The following GPA33 variants were observed in gnomAD, a reference collection of about 807,000 sequenced individuals.
GPA33 encodes the protein glycoprotein A33.
A neutral mutation model predicts 35.6 loss-of-function variants in GPA33; 27 were observed. The observed-to-expected ratio is 0.76, with a 90% CI of 0.56 to 1.04. The LOEUF (loss-of-function observed/expected upper bound fraction) is 1.04, where lower values mean the gene tolerates loss of function less well. Ranked by LOEUF, GPA33 falls within the 50% of genes least tolerant of loss-of-function variation. The pLI, the probability that GPA33 is intolerant of heterozygous loss-of-function variation, is 0.00. For missense variants in GPA33, 428 were observed against 411.9 expected, an observed-to-expected ratio of 1.04 and a Z score of -0.34; for synonymous variants, 176 against 164.0, an observed-to-expected ratio of 1.07 and a Z score of -0.56.
In GPA33 at chr1:167,073,496, G is replaced by A. The variant is rs199696976; in HGVS notation, c.87C>T (p.Asp29=). The change falls in exon 2 of 7, where the codon GAC becomes GAT. Residue 29 remains aspartate, a synonymous_variant. Coordinates refer to ENST00000367868, the MANE Select transcript of GPA33 (RefSeq NM_005814.3). ...VDAISVETPQ[D]VLRASQGKSV... ...TCTTTCCCTGCGAAGCCCGAAGAAC[G>A]TCCTGCGGAGTTTCCACAGAGATGG... 36 of 1,613,496 alleles carry A rather than the reference G, an allele frequency of 2.2e-5. 1 individual carries two copies. The highest frequency in any genetic ancestry group is 3.3e-5 in the Admixed American group (2 of 59,998).
chr1:167,068,921 C>T lies in GPA33; in HGVS notation c.415+1G>A, dbSNP rs955191616. 4 of 1,610,894 alleles carry T rather than the reference C, an allele frequency of 2.5e-6. No individual in the cohort carries two copies. Among genetic ancestry groups the T allele is most frequent in the South Asian group, 2.2e-5 (2 of 90,946 alleles). ...CTCCTGAAAGACATGAAGACACTCA[C>T]CGAGGACCAACAGGCGGACACGTGA... On this transcript the variant is annotated splice_donor_variant, in intron 3 of 6. Coordinates refer to ENST00000367868, the MANE Select transcript of GPA33 (RefSeq NM_005814.3). LOFTEE classifies it high-confidence loss of function.
chr1:167,072,730 A>G lies in GPA33; in HGVS notation c.198+655T>C, dbSNP rs79066786. Among the ~76,000 whole-genome samples, 1,237 of 152,296 alleles carry G rather than the reference A, an allele frequency of 8.1e-3. 119 individuals carry two copies. In the East Asian group the frequency reaches 0.22, roughly 27 times the overall value. On this transcript the variant is annotated intron_variant, in intron 2 of 6. Coordinates refer to ENST00000367868, the MANE Select transcript of GPA33 (RefSeq NM_005814.3). ...GATAGATAAATATACTCATATACAC[A>G]AAGAGCCCAAGATGTATTAAGAGTC...
chr1:167,072,280 G>A (rs1328357341), intron 2 of GPA33, among the ~76,000 whole-genome samples: 1 of 152,168 alleles, frequency 6.6e-6, no homozygotes, highest in African/African-American at 2.4e-5. Context: ...TTTAAAAGAA[G>A]ACCTCACTTT....
At chr1:167,076,593 A>G (rs974308932) in intron 1 of GPA33, among the ~76,000 whole-genome samples, 2 of 152,176 alleles carry the variant, frequency 1.3e-5, no homozygotes, top group African/African-American at 4.8e-5. Flanking sequence ...AGTATTTCAT[A>G]AGGTGAAAGT....
chr1:167,056,362 C>T (rs1177077036), intron 4 of GPA33, among the ~76,000 whole-genome samples: 1 of 152,012 alleles, frequency 6.6e-6, no homozygotes. Flanking sequence ...TGAAAGAAGC[C>T]TTTGGAAATC....
At chr1:167,077,912 T>A (rs1434624776) in intron 1 of GPA33, among the ~76,000 whole-genome samples, 1 of 152,232 alleles carries the variant, frequency 6.6e-6, no homozygotes, top group Non-Finnish European at 1.5e-5. Context: ...GTGACATAAT[T>A]GAGGTTCCAA....
At chr1:167,055,890 G>A (rs1558001242) in intron 4 of GPA33, 41 bp from the exon 5 acceptor site, 1 of 1,610,358 alleles carries the variant, frequency 6.2e-7, no homozygotes, top group South Asian at 1.1e-5. Context: ...AGGCACTACA[G>A]TGGAGTGGAG....
At chr1:167,089,136 G>A (rs1332050845) in intron 1 of GPA33, among the ~76,000 whole-genome samples, 8 of 152,182 alleles carry the variant, frequency 5.3e-5, no homozygotes, top group Non-Finnish European at 8.8e-5. Flanking sequence ...CCTCCAAACC[G>A]TGTGATCCAG....
At chr1:167,067,949 G>GC (rs745992980) in intron 3 of GPA33, among the ~76,000 whole-genome samples, 26 of 152,248 alleles carry the variant, frequency 1.7e-4, no homozygotes, top group Non-Finnish European at 2.6e-4. Context: ...CTCTCTAGGG[G>GC]GTAGGGTGGA....
At chr1:167,077,138 A>G (rs12071657) in intron 1 of GPA33, among the ~76,000 whole-genome samples, 43,322 of 151,652 alleles carry the variant, frequency 0.29, 6,615 homozygotes, top group African/African-American at 0.34. Flanking sequence ...GCTGGGAGGT[A>G]GAGGCTGCAG....
intron 3 of GPA33, 72 bp from the exon 4 acceptor site, chr1:167,063,809 A>G (rs1033063272): frequency 5.3e-5 from 52 of 973,724 alleles, no homozygotes; most frequent in Non-Finnish European, 6.6e-5. Context: ...ACCCCTCCCC[A>G]CCCACCCCCC....
intron 1 of GPA33, among the ~76,000 whole-genome samples, chr1:167,081,130 GATA>G (rs983307031): frequency 2.6e-5 from 4 of 152,226 alleles, no homozygotes; most frequent in African/African-American, 9.6e-5. Flanking sequence ...TTATTAAGAA[GATA>G]ATAAACGGTC....
chr1:167,083,477 T>A (rs1360779743), intron 1 of GPA33, among the ~76,000 whole-genome samples: 2 of 152,168 alleles, frequency 1.3e-5, no homozygotes, highest in African/African-American at 4.8e-5. Context: ...GGCTGCTGGG[T>A]GCCTGTGTCC....
In GPA33 at chr1:167,082,460, C is replaced by A. The variant is rs183225803; in HGVS notation, c.43+7785G>T. 11 of 378,000 alleles carry A rather than the reference C, an allele frequency of 2.9e-5. No homozygotes were observed. In the Admixed American group the frequency reaches 3.5e-4, roughly 12 times the overall value. 23.4% of individuals were successfully genotyped at this position (378,000 alleles called of 1,614,324 possible). A position where few individuals can be genotyped will look rare whatever the true frequency, so the allele number is the denominator to read the frequency against. ...CCAGAGGGGCACAGAGGATCCTGAG[C>A]AGATTTCTTTAGCCCCTTTGGGATT... On this transcript the variant is annotated intron_variant, in intron 1 of 6. Transcript: ENST00000367868.
chr1:167,055,615 C>T lies in GPA33; in HGVS notation c.691+115G>A, dbSNP rs879788390. ...GGTCACCACAGCTAACCTGCAGGTGCGTGGCCCTAGAGAGGTTCCCCTATT... is the reference window on the plus strand; with the variant it reads ...GGTCACCACAGCTAACCTGCAGGTGTGTGGCCCTAGAGAGGTTCCCCTATT... On this transcript the variant is annotated intron_variant, in intron 5 of 6. Transcript: ENST00000367868. 1.1e-4 allele frequency: 123 copies of T among 1,135,172 alleles called. No homozygotes were observed. In the East Asian group the frequency reaches 1.1e-3, roughly 10 times the overall value. The allele number at this position is 1,135,172 out of a possible 1,614,324, so 70.3% of individuals were successfully genotyped here. A position where few individuals can be genotyped will look rare whatever the true frequency, so the allele number is the denominator to read the frequency against.
chr1:167,087,201 C>A (rs889278147), intron 1 of GPA33, among the ~76,000 whole-genome samples: 1 of 152,114 alleles, frequency 6.6e-6, no homozygotes, highest in African/African-American at 2.4e-5. Context: ...TTTCTTGGCA[C>A]GTGTCTGCCA....
chr1:167,085,268 A>T (rs1667026105), intron 1 of GPA33, among the ~76,000 whole-genome samples: 1 of 152,186 alleles, frequency 6.6e-6, no homozygotes, highest in Non-Finnish European at 1.5e-5. Flanking sequence ...ACATGGAAAC[A>T]TCAAGGCCAG....
At chr1:167,083,849 T>TG (rs1417034434) in intron 1 of GPA33, among the ~76,000 whole-genome samples, 6 of 152,110 alleles carry the variant, frequency 3.9e-5, no homozygotes, top group Non-Finnish European at 1.5e-5. Flanking sequence ...GGAGGTTTCT[T>TG]GGGGGTGTAT....
chr1:167,083,434 C>T (rs967555038), intron 1 of GPA33, among the ~76,000 whole-genome samples: 23 of 152,154 alleles, frequency 1.5e-4, no homozygotes, highest in African/African-American at 4.8e-4. Context: ...TCAGAAGGGT[C>T]GGCACCCATT....
Sources: gnomAD v4.1 joint callset for allele counts (sites outside exome capture counted in the v4.1 genomes callset) on GRCh38, gnomAD v4.1.1 for gene constraint, MANE v1.5 for transcripts, NCBI Gene and HGNC (gene_info 2026-07-23, HGNC 2026-07-21) for gene names.